The following PTPRT variants were observed in gnomAD, a reference collection of about 807,000 sequenced individuals.
The protein encoded by PTPRT is protein tyrosine phosphatase receptor type T.
PTPRT carries 56 observed loss-of-function variants against 176.8 expected under a neutral mutation model. The ratio of observed to expected loss-of-function variants is 0.32; its 90% confidence interval spans 0.26 to 0.40. The LOEUF (loss-of-function observed/expected upper bound fraction) is 0.40. Ranked by LOEUF, PTPRT falls within the 10% of genes least tolerant of loss-of-function variation. PTPRT has a pLI of 1.00. For synonymous variants in PTPRT, 783 were observed against 739.0 expected (o/e 1.06, Z -0.96); for missense variants, 1,540 against 1,908.2 (o/e 0.81, Z 3.60).
At chr20:42,277,470 A>G (rs1442415883) in intron 13 of PTPRT, among the ~76,000 whole-genome samples, 4 of 152,214 alleles carry the variant, frequency 2.6e-5, no homozygotes. Flanking sequence ...GTTCCACCCA[A>G]TGGAAAGAAG....
intron 15 of PTPRT, among the ~76,000 whole-genome samples, chr20:42,225,756 G>A (rs937679565): frequency 3.3e-5 from 5 of 152,182 alleles, no homozygotes; most frequent in African/African-American, 1.2e-4. Flanking sequence ...GGCTTCAAGC[G>A]ATTCCTCTGC....
intron 12 of PTPRT, among the ~76,000 whole-genome samples, chr20:42,288,341 TTTTTGTTTTG>T (rs58449778): frequency 4.7e-5 from 7 of 150,478 alleles, no homozygotes; most frequent in Non-Finnish European, 8.9e-5. Flanking sequence ...CTGCAGAGTT[TTTTTGTTTTG>T]TTTTGTTTTG....
At chr20:42,415,568 A>G (rs1299428207) in intron 9 of PTPRT, among the ~76,000 whole-genome samples, 1 of 152,196 alleles carries the variant, frequency 6.6e-6, no homozygotes, top group African/African-American at 2.4e-5. Flanking sequence ...GGGGAAGAAT[A>G]GTATTATAAT....
chr20:42,427,227 G>A (rs1160914095), intron 9 of PTPRT, among the ~76,000 whole-genome samples: 4 of 152,076 alleles, frequency 2.6e-5, no homozygotes, highest in Admixed American at 6.6e-5. Flanking sequence ...CTACTGCATG[G>A]CAATACTTTA....
intron 7 of PTPRT, among the ~76,000 whole-genome samples, chr20:42,488,276 T>G (rs1257003977): frequency 1.3e-5 from 2 of 152,216 alleles, no homozygotes; most frequent in African/African-American, 4.8e-5. Context: ...GCAGAAATAC[T>G]GACATATAGG....
chr20:42,594,690 A>C (rs1237291527), intron 7 of PTPRT, among the ~76,000 whole-genome samples: 2 of 152,142 alleles, frequency 1.3e-5, no homozygotes, highest in African/African-American at 4.8e-5. Flanking sequence ...TGAGATTCTG[A>C]ATTAGTTTCC....
At chr20:42,714,030 G>C (rs559197614) in intron 6 of PTPRT, among the ~76,000 whole-genome samples, 1 of 152,306 alleles carries the variant, frequency 6.6e-6, no homozygotes, top group East Asian at 1.9e-4. Context: ...AGCAACGCAA[G>C]AATGGACTAA....
intron 9 of PTPRT, among the ~76,000 whole-genome samples, chr20:42,395,622 T>C (rs76100356): frequency 0.017 from 2,629 of 152,300 alleles, 75 homozygotes; most frequent in African/African-American, 0.059. Flanking sequence ...CCCTTGGGCC[T>C]GTGTAATCAG....
intron 15 of PTPRT, among the ~76,000 whole-genome samples, chr20:42,206,993 C>T (rs1310200387): frequency 6.6e-5 from 10 of 152,184 alleles, no homozygotes; most frequent in East Asian, 1.9e-4. Context: ...CCCTGACCCC[C>T]GAGCAGCCTA....
intron 7 of PTPRT, among the ~76,000 whole-genome samples, chr20:42,628,324 A>G (rs1409582489): frequency 6.6e-6 from 1 of 152,150 alleles, no homozygotes; most frequent in African/African-American, 2.4e-5. Flanking sequence ...TGATGCCACA[A>G]GTCTCTGCAG....
intron 1 of PTPRT, among the ~76,000 whole-genome samples, chr20:42,922,658 G>C (rs2053275120): frequency 6.6e-6 from 1 of 152,062 alleles, no homozygotes; most frequent in Non-Finnish European, 1.5e-5. Context: ...ACACACTTTT[G>C]AGTAGAATTC....
intron 1 of PTPRT, among the ~76,000 whole-genome samples, chr20:43,020,753 A>G (rs1985637353): frequency 6.6e-6 from 1 of 152,210 alleles, no homozygotes; most frequent in Non-Finnish European, 1.5e-5. Context: ...GCCCCATGAC[A>G]TATTCTGAAG....
chr20:43,101,089 A>C (rs1362428642), intron 1 of PTPRT, among the ~76,000 whole-genome samples: 1 of 152,208 alleles, frequency 6.6e-6, no homozygotes, highest in Non-Finnish European at 1.5e-5. Context: ...AGGATGCTTT[A>C]ATGCCACATA....
intron 1 of PTPRT, among the ~76,000 whole-genome samples, chr20:43,072,426 C>T (rs926414042): frequency 6.6e-6 from 1 of 152,150 alleles, no homozygotes; most frequent in African/African-American, 2.4e-5. Context: ...AGTAGGTTTG[C>T]AGGCCTCTAA....
chr20:42,173,560 T>C (rs1990163151), intron 16 of PTPRT, among the ~76,000 whole-genome samples: 1 of 152,142 alleles, frequency 6.6e-6, no homozygotes, highest in Non-Finnish European at 1.5e-5. Context: ...ATACCAGTGT[T>C]CCACAGCATA....
chr20:42,871,937 T>C (rs1386023003), intron 2 of PTPRT, among the ~76,000 whole-genome samples: 1 of 152,200 alleles, frequency 6.6e-6, no homozygotes, highest in African/African-American at 2.4e-5. Flanking sequence ...AGAAGGATCT[T>C]GGAAGCTATA....
chr20:43,059,233 T>C (rs564762271), intron 1 of PTPRT, among the ~76,000 whole-genome samples: 1 of 152,320 alleles, frequency 6.6e-6, no homozygotes, highest in South Asian at 2.1e-4. Context: ...CTTAATGTTC[T>C]TTTTTTCAAT....
At chr20:43,148,754 T>G (rs2014250471) in intron 1 of PTPRT, among the ~76,000 whole-genome samples, 1 of 152,204 alleles carries the variant, frequency 6.6e-6, no homozygotes, top group Non-Finnish European at 1.5e-5. Context: ...AAGGCTGAGG[T>G]GTAGCACTGG....
Position 42,251,674 on chromosome 20 carries a change from G to C in PTPRT, c.2177-2852C>G, listed in dbSNP as rs545550314. Among the ~76,000 whole-genome samples the C allele has an allele frequency of 2.6e-4, 40 of 151,088 alleles. 1 individual carries two copies. Among genetic ancestry groups the C allele is most frequent in the African/African-American group, 9.5e-4 (39 of 41,044 alleles). On this transcript the variant is annotated intron_variant, in intron 13 of 30. Coordinates refer to ENST00000373187, the MANE Select transcript of PTPRT (RefSeq NM_007050.6). ...ATGAAAGCAGCATATGGGAGCAGCA[G>C]GAGAAATAGCCTTGCCTAATGGGGC... is the stretch of plus-strand genomic sequence containing the variant.
Sources: gnomAD v4.1 joint callset for allele counts (sites outside exome capture counted in the v4.1 genomes callset) on GRCh38, gnomAD v4.1.1 for gene constraint, MANE v1.5 for transcripts, NCBI Gene and HGNC (gene_info 2026-07-23, HGNC 2026-07-21) for gene names.